THSD7B: variants seen among roughly 807,000 people sequenced by gnomAD.
The protein encoded by THSD7B is thrombospondin type 1 domain containing 7B, also known as thrombospondin type-1 domain-containing protein 7B.
A neutral mutation model predicts 213.6 loss-of-function variants in THSD7B; 138 were observed. That is an observed-to-expected ratio of 0.65 (90% CI 0.56 to 0.74). The LOEUF (loss-of-function observed/expected upper bound fraction) is 0.74, where lower values mean the gene tolerates loss of function less well. Among genes scored for constraint, THSD7B ranks in the 30% least tolerant of loss-of-function variants. The pLI is 0.00. For missense variants in THSD7B, 1,931 were observed against 1,991.5 expected, an observed-to-expected ratio of 0.97 and a Z score of 0.58; for synonymous variants, 742 against 687.0, an observed-to-expected ratio of 1.08 and a Z score of -1.25.
At chr2:137,600,468 T>C (rs1682054844) in intron 17 of THSD7B, among the ~76,000 whole-genome samples, 1 of 152,240 alleles carries the variant, frequency 6.6e-6, no homozygotes, top group African/African-American at 2.4e-5. Context: ...CTGGATGTTA[T>C]GGCTCAGGCC....
intron 10 of THSD7B, among the ~76,000 whole-genome samples, chr2:137,257,354 G>A (rs1350020919): frequency 2.6e-5 from 4 of 152,082 alleles, no homozygotes; most frequent in Non-Finnish European, 5.9e-5. Flanking sequence ...CCTGCTCAAC[G>A]GATTTAATAG....
chr2:137,250,528 G>A (rs1258892509), intron 10 of THSD7B, among the ~76,000 whole-genome samples: 1 of 152,124 alleles, frequency 6.6e-6, no homozygotes, highest in East Asian at 1.9e-4. Flanking sequence ...GCCCAAGGTT[G>A]CAAAACTAAC....
At chr2:137,158,045 C>T (rs1470482450) in intron 5 of THSD7B, among the ~76,000 whole-genome samples, 2 of 152,226 alleles carry the variant, frequency 1.3e-5, no homozygotes, top group Non-Finnish European at 1.5e-5. Context: ...ACATCTCTTT[C>T]ATCAGCTCTG....
chr2:137,142,100 A>C (rs113635833), intron 5 of THSD7B, among the ~76,000 whole-genome samples: 1 of 152,210 alleles, frequency 6.6e-6, no homozygotes, highest in African/African-American at 2.4e-5. Context: ...AACTTAAAAG[A>C]AGTGCCTTAG....
intron 2 of THSD7B, among the ~76,000 whole-genome samples, chr2:136,977,821 T>TTTTTG (rs1685508806): frequency 7.4e-6 from 1 of 135,384 alleles, no homozygotes; most frequent in African/African-American, 2.5e-5. Flanking sequence ...TTTTTTTTTT[T>TTTTTG]TAAACGGAGT....
Position 137,234,015 on chromosome 2 carries a change from C to T in THSD7B, c.2150+882C>T, listed in dbSNP as rs564776940. Reference sequence around the variant, plus strand: ...ATAAGCTAGGCAACATACAGTGCCTCCCCAGGAATTTTCAAGCTGGGAGAA... The same window carrying T: ...ATAAGCTAGGCAACATACAGTGCCTTCCCAGGAATTTTCAAGCTGGGAGAA... On this transcript the variant is annotated intron_variant, in intron 9 of 27. Coordinates refer to ENST00000409968, the MANE Select transcript of THSD7B (RefSeq NM_001316349.2). Among the ~76,000 whole-genome samples, 100 of 152,228 alleles carry T rather than the reference C, an allele frequency of 6.6e-4. 2 individuals are homozygous for T. The Middle Eastern group carries it at 0.01, about 16-fold the overall frequency.
chr2:137,600,721 G>A (rs1339037636), intron 17 of THSD7B, among the ~76,000 whole-genome samples: 1 of 152,178 alleles, frequency 6.6e-6, no homozygotes, highest in African/African-American at 2.4e-5. Flanking sequence ...GTGGGCAACA[G>A]AGAGACCATT....
intron 5 of THSD7B, among the ~76,000 whole-genome samples, chr2:137,141,817 C>T (rs1460240197): frequency 6.6e-6 from 1 of 152,038 alleles, no homozygotes; most frequent in African/African-American, 2.4e-5. Context: ...ACTCCCCGTG[C>T]CCCACACCTG....
intron 12 of THSD7B, among the ~76,000 whole-genome samples, chr2:137,374,471 C>T (rs892709151): frequency 2.6e-5 from 4 of 152,114 alleles, no homozygotes; most frequent in Non-Finnish European, 2.9e-5. Flanking sequence ...TATAGAAGGA[C>T]GTGAAAGTAT....
At chr2:137,044,391 G>A (rs1385955008) in intron 2 of THSD7B, among the ~76,000 whole-genome samples, 3 of 151,968 alleles carry the variant, frequency 2.0e-5, no homozygotes, top group Non-Finnish European at 2.9e-5. Flanking sequence ...GATAATACTG[G>A]GTGTATTGAT....
At chr2:137,344,662 C>T (rs554219311) in intron 12 of THSD7B, among the ~76,000 whole-genome samples, 71 of 151,538 alleles carry the variant, frequency 4.7e-4, no homozygotes, top group African/African-American at 1.3e-3. Context: ...CCAGTTTGGA[C>T]GAACCATTTT....
At chr2:137,275,328 A>G (rs975057726) in intron 11 of THSD7B, among the ~76,000 whole-genome samples, 1 of 152,022 alleles carries the variant, frequency 6.6e-6, no homozygotes, top group Admixed American at 6.6e-5. Context: ...ACCTATTGAG[A>G]TGTTTGATTT....
intron 1 of THSD7B, among the ~76,000 whole-genome samples, chr2:136,841,187 G>A (rs1682913745): frequency 6.6e-6 from 1 of 152,110 alleles, no homozygotes; most frequent in Admixed American, 6.5e-5. Flanking sequence ...GGAAATATCA[G>A]AACTAAGACT....
intron 7 of THSD7B, among the ~76,000 whole-genome samples, chr2:137,183,835 T>C (rs1680501815): frequency 6.6e-6 from 1 of 152,170 alleles, no homozygotes; most frequent in Non-Finnish European, 1.5e-5. Context: ...AAATGGCTCA[T>C]TGTCATTTCT....
intron 1 of THSD7B, among the ~76,000 whole-genome samples, chr2:136,833,762 A>G (rs1682797927): frequency 6.6e-6 from 1 of 152,170 alleles, no homozygotes; most frequent in Admixed American, 6.5e-5. Context: ...CTCATATGTC[A>G]TAGGTCTCCT....
chr2:136,855,682 A>T (rs1573671570), intron 1 of THSD7B, among the ~76,000 whole-genome samples: 1 of 151,382 alleles, frequency 6.6e-6, no homozygotes, highest in East Asian at 1.9e-4. Flanking sequence ...ATGTTGGCCA[A>T]GCTGGTCTCG....
At position 137,585,427 on chromosome 2, in the gene THSD7B, T is replaced by A. The variant is rs566148779; in HGVS notation, c.3423+12871T>A. On this transcript the variant is annotated intron_variant, in intron 17 of 27. Transcript: ENST00000409968. ...TGCTTCTCTAGTCTTTAAATTGTGA[T>A]GTTAGGGTGTCAATTTTAGATCTTT... Among the ~76,000 whole-genome samples, 3 of 152,308 alleles carry A rather than the reference T, an allele frequency of 2.0e-5. No homozygotes were observed. In the South Asian group the frequency reaches 6.2e-4, roughly 32 times the overall value.
intron 11 of THSD7B, 25 bp from the exon 12 acceptor site, chr2:137,275,898 A>T: frequency 6.4e-7 from 1 of 1,566,064 alleles, no homozygotes; most frequent in Non-Finnish European, 8.7e-7. Context: ...TAAAGTTTCT[A>T]GTCCATCGTT....
intron 2 of THSD7B, among the ~76,000 whole-genome samples, chr2:136,925,069 G>A (rs1035508738): frequency 6.6e-6 from 1 of 152,154 alleles, no homozygotes; most frequent in African/African-American, 2.4e-5. Flanking sequence ...GTTTTTGTGT[G>A]TGTGTGTGAA....
Sources: allele counts gnomAD v4.1 joint callset (sites outside exome capture counted in the v4.1 genomes callset), GRCh38; gene constraint gnomAD v4.1.1; transcripts MANE v1.5; gene names NCBI Gene and HGNC (gene_info 2026-07-23, HGNC 2026-07-21).